TPP2: variants seen among roughly 807,000 people sequenced by gnomAD.
The protein encoded by TPP2 is tripeptidyl peptidase 2.
A neutral mutation model predicts 155.9 loss-of-function variants in TPP2; 34 were observed. The ratio of observed to expected loss-of-function variants is 0.22; its 90% CI spans 0.17 to 0.29. TPP2 has a LOEUF of 0.29. Ranked by LOEUF, TPP2 falls within the 10% of genes least tolerant of loss-of-function variation. TPP2 has a pLI of 1.00. For missense variants in TPP2, 1,028 were observed against 1,522.3 expected (o/e 0.68, Z 5.40); for synonymous variants, 510 against 529.4 (o/e 0.96, Z 0.50).
At chr13:102,635,835 C>G in intron 12 of TPP2, 133 bp downstream of exon 12, 1 of 708,112 alleles carries the variant, frequency 1.4e-6, no homozygotes, top group East Asian at 2.8e-5. Context: ...CATAGAACTA[C>G]AAGCAAAAAG....
chr13:102,626,044 T>C (rs553954523), intron 6 of TPP2, among the ~76,000 whole-genome samples: 1 of 152,244 alleles, frequency 6.6e-6, no homozygotes, highest in Non-Finnish European at 1.5e-5. Flanking sequence ...AGTGGACACT[T>C]CTTTGTAACT....
At chr13:102,668,065 A>G (rs565185206) in intron 27 of TPP2, among the ~76,000 whole-genome samples, 122 of 152,374 alleles carry the variant, frequency 8.0e-4, no homozygotes, top group Admixed American at 2.3e-3. Flanking sequence ...AGTCCTGCAC[A>G]TGAATGATCA....
At chr13:102,644,732 A>T (rs1005478947) in intron 18 of TPP2, 59 bp downstream of exon 18, 3 of 1,491,724 alleles carry the variant, frequency 2.0e-6, no homozygotes, top group Admixed American at 3.8e-5. Flanking sequence ...ACTGGAGAGT[A>T]ACTTCATTGG....
chr13:102,604,714 C>T, intron 1 of TPP2, 79 bp from the exon 2 acceptor site: 2 of 1,455,058 alleles, frequency 1.4e-6, no homozygotes, highest in Non-Finnish European at 9.3e-7. Context: ...TATACACACA[C>T]ATATATATGT....
rs757762430 is a variant in TPP2, at chr13:102,608,817, T to C, written c.294+3896T>C. Among the ~76,000 whole-genome samples, 161 of 152,290 alleles carry C rather than the reference T, an allele frequency of 1.1e-3. 1 individual carries two copies. Among genetic ancestry groups the C allele is most frequent in the Non-Finnish European group, 1.7e-3 (115 of 68,034 alleles). On this transcript the variant is annotated intron_variant, in intron 2 of 29. Transcript: ENST00000376052. The stretch of plus-strand genomic sequence containing the variant: ...TCCTCTTTCTCTGCCTCCTCTTCCT[T>C]GTTCTCTGCTTTTTATGTTAGATAT...
intron 11 of TPP2, 130 bp from the exon 12 acceptor site, chr13:102,635,457 G>A (rs577152101): frequency 5.0e-6 from 3 of 604,478 alleles, no homozygotes; most frequent in South Asian, 2.2e-5. Context: ...CTTCAAAAAA[G>A]ATTTTAAAAT....
chr13:102,630,470 A>G (rs1021799300), intron 10 of TPP2, among the ~76,000 whole-genome samples: 2 of 152,206 alleles, frequency 1.3e-5, no homozygotes, highest in Non-Finnish European at 2.9e-5. Flanking sequence ...AAGAAAAAGT[A>G]GGGACTTGGA....
intron 5 of TPP2, among the ~76,000 whole-genome samples, chr13:102,622,204 T>C (rs1427620221): frequency 1.3e-5 from 2 of 152,218 alleles, no homozygotes; most frequent in Non-Finnish European, 2.9e-5. Flanking sequence ...AGTTCTTGCA[T>C]TTAAAACATA....
At chr13:102,604,181 T>C (rs1420198113) in intron 1 of TPP2, among the ~76,000 whole-genome samples, 1 of 151,520 alleles carries the variant, frequency 6.6e-6, no homozygotes, top group Non-Finnish European at 1.5e-5. Flanking sequence ...AATGGTGCCA[T>C]TAAATGGTAC....
At chr13:102,655,153 T>C (rs1883772879) in intron 24 of TPP2, 2 of 444,662 alleles carry the variant, frequency 4.5e-6, no homozygotes, top group African/African-American at 2.0e-5. Context: ...GATTATTATT[T>C]TGTGTTGGAA....
At chr13:102,617,473 A>G (rs1255964765) in intron 4 of TPP2, among the ~76,000 whole-genome samples, 1 of 152,188 alleles carries the variant, frequency 6.6e-6, no homozygotes, top group Non-Finnish European at 1.5e-5. Flanking sequence ...GATTAGAAAC[A>G]GCATCGATGT....
chr13:102,646,210 T>G, intron 19 of TPP2, 84 bp from the exon 20 acceptor site: 1 of 1,098,086 alleles, frequency 9.1e-7, no homozygotes, highest in Non-Finnish European at 1.3e-6. Context: ...TTGCAATATG[T>G]TACAGATTTT....
chr13:102,601,427 A>G (rs559450476), intron 1 of TPP2, among the ~76,000 whole-genome samples: 1 of 152,122 alleles, frequency 6.6e-6, no homozygotes, highest in South Asian at 2.1e-4. Context: ...ATGTTTGGCA[A>G]ATCTTCCAAC....
chr13:102,633,942 C>T lies in TPP2; in HGVS notation c.1245-8C>T, dbSNP rs1882197623. 6.2e-7 allele frequency: 1 copy of T among 1,613,778 alleles called. No individual in the cohort carries two copies. The highest frequency in any genetic ancestry group is 8.5e-7 in the Non-Finnish European group (1 of 1,179,800). The stretch of plus-strand genomic sequence containing the variant: ...ATCCTAAGCAAACTTCAATGGCTTT[C>T]CATTTAGTGCTGACGGGGCCCTTGG... On this transcript the variant is annotated splice_region_variant and splice_polypyrimidine_tract_variant and intron_variant, in intron 10 of 29. Transcript: ENST00000376052.
At chr13:102,602,771 A>C (rs1234365910) in intron 1 of TPP2, among the ~76,000 whole-genome samples, 3 of 152,216 alleles carry the variant, frequency 2.0e-5, no homozygotes, top group Non-Finnish European at 4.4e-5. Context: ...AGCAGTGGAC[A>C]TTAAGCTTTG....
chr13:102,599,980 A>T (rs1018483884), intron 1 of TPP2, among the ~76,000 whole-genome samples: 7 of 93,828 alleles, frequency 7.5e-5, no homozygotes, highest in African/African-American at 4.3e-4. Flanking sequence ...CTAGAGTTAG[A>T]TTCCTTAAAA....
chr13:102,630,889 C>T (rs1284288931), intron 10 of TPP2, among the ~76,000 whole-genome samples: 1 of 152,166 alleles, frequency 6.6e-6, no homozygotes, highest in Non-Finnish European at 1.5e-5. Context: ...TTTAGTTCAG[C>T]AAATACCTTA....
At chr13:102,643,887 C>A (rs1417055943) in intron 17 of TPP2, among the ~76,000 whole-genome samples, 2 of 152,064 alleles carry the variant, frequency 1.3e-5, no homozygotes, top group African/African-American at 4.8e-5. Context: ...TGATGTTCTT[C>A]CTTCAATGCG....
At chr13:102,664,696 C>T (rs1010342929) in intron 26 of TPP2, 99 bp from the exon 27 acceptor site, 35 of 1,212,196 alleles carry the variant, frequency 2.9e-5, no homozygotes, top group African/African-American at 4.6e-5. Flanking sequence ...TTTACTCACA[C>T]TGCAGTTGTA....
Sources: gnomAD v4.1 joint callset for allele counts (sites outside exome capture counted in the v4.1 genomes callset) on GRCh38, gnomAD v4.1.1 for gene constraint, MANE v1.5 for transcripts, NCBI Gene and HGNC (gene_info 2026-07-23, HGNC 2026-07-21) for gene names.